The following MRPS5 variants were observed in gnomAD, a reference collection of about 807,000 sequenced individuals.
The protein encoded by MRPS5 is mitochondrial ribosomal protein S5.
In MRPS5, 27 loss-of-function variants were observed where a neutral mutation model predicts 51.9. The ratio of observed to expected loss-of-function variants is 0.52; its 90% CI spans 0.38 to 0.72. MRPS5 has a LOEUF of 0.72. MRPS5 is among the 30% of genes least tolerant of loss of function. MRPS5 has a pLI of 0.00. For synonymous variants in MRPS5, 196 were observed against 193.2 expected, an observed-to-expected ratio of 1.01 and a Z score of -0.12; for missense variants, 570 against 545.7, an observed-to-expected ratio of 1.04 and a Z score of -0.44.
rs1281193667 is a variant in MRPS5, at chr2:95,086,040, G to A, written c.*1317C>T. ...TCCTCCCACTTCAGCCTCCTATGTA[G>A]CTGGGACTACAGGCATACACCACCA... On this transcript the variant is annotated 3_prime_UTR_variant, in exon 12 of 12. Transcript: ENST00000272418. 6.6e-6 allele frequency among the ~76,000 whole-genome samples: 1 copy of A among 151,812 alleles called. No individual in the cohort carries two copies. Among genetic ancestry groups the A allele is most frequent in the East Asian group, 1.9e-4 (1 of 5,172 alleles).
chr2:95,116,662 C>T (rs1054551582), intron 2 of MRPS5, among the ~76,000 whole-genome samples: 1 of 152,208 alleles, frequency 6.6e-6, no homozygotes, highest in Admixed American at 6.5e-5. Context: ...CATGAAGTCC[C>T]CATCTCAGTT....
chr2:95,089,811 CATA>C (rs1558674300), intron 11 of MRPS5, among the ~76,000 whole-genome samples: 3 of 152,168 alleles, frequency 2.0e-5, no homozygotes, highest in Admixed American at 2.0e-4. Flanking sequence ...GTGTTATTTT[CATA>C]ATAACATGTA....
chr2:95,091,760 T>G (rs1675473759), intron 10 of MRPS5: 1 of 152,198 alleles, frequency 6.6e-6, no homozygotes, highest in Admixed American at 6.5e-5. Flanking sequence ...GCCTCCATAA[T>G]TATGCCAGAG....
Position 95,109,904 on chromosome 2 carries a change from A to G in MRPS5, c.403+12T>C, listed in dbSNP as rs369633814. The G allele has an allele frequency of 9.4e-6, 15 of 1,599,764 alleles. No individual in the cohort carries two copies. In the African/African-American group the frequency reaches 1.9e-4, roughly 20 times the overall value. On this transcript the variant is annotated intron_variant, in intron 4 of 11. Transcript: ENST00000272418. ...TACAAAGCACTTTAGCTATTTTTAT[A>G]AATAAGTTTACCTTCACCAATGATC...
chr2:95,104,797 CCGCCTT>C, intron 6 of MRPS5, 67 bp from the exon 7 acceptor site: 1 of 1,454,916 alleles, frequency 6.9e-7, no homozygotes, highest in Non-Finnish European at 9.5e-7. Context: ...CTGGAGGGAG[CCGCCTT>C]CCTTGCAGGC....
chr2:95,121,775 C>A lies in MRPS5; in HGVS notation c.17G>T (p.Arg6Leu), dbSNP rs915780533. MATAV[R>L]AVGCLPVLCS... ...CAGCACGGGGAGGCAGCCCACAGCG[C>A]GCACCGCGGTCGCCATGCTGGAGTC... Residue 6 changes from arginine to leucine, a missense_variant, in exon 1 of 12, where the codon CGC becomes CTC. By Grantham distance (102) the Arg-to-Leu change is moderately radical. Coordinates refer to ENST00000272418, the MANE Select transcript of MRPS5 (RefSeq NM_031902.5). 1 of 1,552,572 alleles carries A rather than the reference C, an allele frequency of 6.4e-7. No homozygotes were observed. The highest frequency in any genetic ancestry group is 8.6e-7 in the Non-Finnish European group (1 of 1,158,588).
chr2:95,090,719 A>G, intron 10 of MRPS5, 197 bp from the exon 11 acceptor site: 1 of 557,616 alleles, frequency 1.8e-6, no homozygotes, highest in Admixed American at 3.0e-5. Flanking sequence ...GGATACTACA[A>G]GGATTAAGAA....
intron 3 of MRPS5, among the ~76,000 whole-genome samples, chr2:95,114,555 G>C (rs1443674308): frequency 6.6e-6 from 1 of 152,190 alleles, no homozygotes; most frequent in African/African-American, 2.4e-5. Flanking sequence ...ACAGGCATGA[G>C]CCACCGCGCC....
At chr2:95,115,025 C>A in intron 3 of MRPS5, 41 bp downstream of exon 3, 1 of 1,459,678 alleles carries the variant, frequency 6.9e-7, no homozygotes, top group Non-Finnish European at 9.1e-7. Context: ...AAATCCTTTT[C>A]CTGTTTCAAG....
chr2:95,100,613 G>T, intron 9 of MRPS5, 77 bp from the exon 10 acceptor site: 2 of 1,148,474 alleles, frequency 1.7e-6, no homozygotes, highest in Non-Finnish European at 1.3e-6. Context: ...ACAAAGCAAT[G>T]TATACTAGCC....
chr2:95,112,693 G>C (rs1676156754), intron 3 of MRPS5, among the ~76,000 whole-genome samples: 1 of 152,092 alleles, frequency 6.6e-6, no homozygotes, highest in Admixed American at 6.6e-5. Flanking sequence ...CTGTGACTTG[G>C]AGCCATAAAC....
At chr2:95,114,949 A>G in intron 3 of MRPS5, 117 bp downstream of exon 3, 1 of 885,432 alleles carries the variant, frequency 1.1e-6, no homozygotes, top group Non-Finnish European at 1.6e-6. Flanking sequence ...TCATTTTAAC[A>G]GTACATTGTA....
intron 10 of MRPS5, among the ~76,000 whole-genome samples, chr2:95,095,657 T>C (rs1156538422): frequency 6.6e-6 from 1 of 152,146 alleles, no homozygotes; most frequent in African/African-American, 2.4e-5. Context: ...TTGAAACCAA[T>C]GAGAACAAAG....
Position 95,117,866 on chromosome 2 carries a change from A to G in MRPS5, c.138T>C (p.Asn46=). 1.2e-6 allele frequency: 2 copies of G among 1,604,098 alleles called. No homozygotes were observed. The highest frequency in any genetic ancestry group is 1.7e-6 in the Non-Finnish European group (2 of 1,177,080). ...SILAWKSVLG[N]GHLSSLGTRD... Reference sequence around the variant, plus strand: ...GGTAGTAGCATTAATGAATCTCACCATTGCCGAGAACACTCTTCCATGCCA... The same window carrying G: ...GGTAGTAGCATTAATGAATCTCACCGTTGCCGAGAACACTCTTCCATGCCA... Residue 46 remains asparagine, a splice_region_variant and synonymous_variant, in exon 2 of 12, where the codon AAT becomes AAC. Transcript: ENST00000272418.
intron 9 of MRPS5, 32 bp downstream of exon 9, chr2:95,100,805 A>G (rs1447647215): frequency 6.6e-7 from 1 of 1,519,186 alleles, no homozygotes; most frequent in Non-Finnish European, 8.9e-7. Context: ...TAATCCTGCA[A>G]ATTAAAAAAA....
intron 7 of MRPS5, 104 bp from the exon 8 acceptor site, chr2:95,101,827 T>C (rs1675813416): frequency 2.8e-6 from 2 of 707,782 alleles, no homozygotes; most frequent in East Asian, 2.7e-5. Flanking sequence ...CAGCACTTCA[T>C]CTTTCCACCA....
At chr2:95,096,806 C>G (rs1371585393) in intron 10 of MRPS5, among the ~76,000 whole-genome samples, 1 of 152,150 alleles carries the variant, frequency 6.6e-6, no homozygotes, top group Non-Finnish European at 1.5e-5. Context: ...TCTCACCACT[C>G]CTATTCAACA....
intron 1 of MRPS5, among the ~76,000 whole-genome samples, chr2:95,119,650 T>C (rs1296178471): frequency 6.7e-6 from 1 of 149,814 alleles, no homozygotes; most frequent in Non-Finnish European, 1.5e-5. Flanking sequence ...AAGATGGCTA[T>C]AGTAAAAAAG....
Position 95,104,712 on chromosome 2 carries a change from T to G in MRPS5, c.691A>C (p.Met231Leu). 6.2e-7 allele frequency: 1 copy of G among 1,613,890 alleles called. No individual in the cohort carries two copies. The highest frequency in any genetic ancestry group is 8.5e-7 in the Non-Finnish European group (1 of 1,179,892). The change falls in exon 7 of 12, where the codon ATG (methionine) becomes CTG (leucine). Residue 231 changes from methionine to leucine, a missense_variant. Coordinates refer to ENST00000272418, the MANE Select transcript of MRPS5 (RefSeq NM_031902.5). ...TTCTTTCTTCCCTCTTTCGCAGTCA[T>G]AGTGAAAACGTTTCTTACCTAAAAG... is the stretch of plus-strand genomic sequence containing the variant. Reference protein sequence around the residue: ...RILEVRNVFTMTAKEGRKKSI... With the variant: ...RILEVRNVFTLTAKEGRKKSI...
Sources: gnomAD v4.1 joint callset for allele counts (sites outside exome capture counted in the v4.1 genomes callset) on GRCh38, gnomAD v4.1.1 for gene constraint, MANE v1.5 for transcripts, NCBI Gene and HGNC (gene_info 2026-07-23, HGNC 2026-07-21) for gene names.